DPH6: variants seen among roughly 807,000 people sequenced by gnomAD.
The protein encoded by DPH6 is diphthamine biosynthesis 6.
In DPH6, 33 loss-of-function variants were observed where a neutral mutation model predicts 38.2. The ratio of observed to expected loss-of-function variants is 0.86; its 90% CI spans 0.65 to 1.15. The LOEUF is 1.15. Ranked by LOEUF, DPH6 falls within the 50% of genes most tolerant of loss-of-function variation. The probability of loss-of-function intolerance (pLI) is 0.00; values close to 1 mark genes in which losing one functional copy is unlikely to be tolerated. For missense variants in DPH6, 325 were observed against 320.0 expected (o/e 1.02, Z -0.12); for synonymous variants, 108 against 103.0 (o/e 1.05, Z -0.30).
At chr15:35,395,491 C>T (rs1332111004) in intron 6 of DPH6, among the ~76,000 whole-genome samples, 3 of 152,194 alleles carry the variant, frequency 2.0e-5, no homozygotes, top group Non-Finnish European at 2.9e-5. Flanking sequence ...TACATTCCCA[C>T]ATAACGTATT....
chr15:35,193,295 C>G, the DPH6 span, among the ~76,000 whole-genome samples: 1 of 151,444 alleles, frequency 6.6e-6, no homozygotes, highest in Non-Finnish European at 1.5e-5. Context: ...ATTTGATTGT[C>G]AACTTTACAA....
Position 35,243,455 on chromosome 15 carries a change from G to A in DPH6, n.201-22873C>T, listed in dbSNP as rs1205715613. Among the ~76,000 whole-genome samples, 3 of 142,840 alleles carry A rather than the reference G, an allele frequency of 2.1e-5. 1 individual carries two copies. The highest frequency in any genetic ancestry group is 3.1e-5 in the Non-Finnish European group (2 of 65,190). 93.7% of individuals were successfully genotyped at this position (142,840 alleles called of 152,430 possible). On this transcript the variant is annotated intron_variant and non_coding_transcript_variant, in intron 3 of 3. Transcript: ENST00000560386. ...CCATTGCATCCCCTGTGACTTGCACGTATATGCCCAGATGGCCTGAAGTAA... is the reference window on the plus strand; with the variant it reads ...CCATTGCATCCCCTGTGACTTGCACATATATGCCCAGATGGCCTGAAGTAA...
chr15:35,170,150 C>T, the DPH6 span, among the ~76,000 whole-genome samples: 1 of 152,124 alleles, frequency 6.6e-6, no homozygotes, highest in Non-Finnish European at 1.5e-5. Flanking sequence ...TGAAGTTGGT[C>T]AAATAAAAAC....
At chr15:35,174,418 T>C in the DPH6 span, among the ~76,000 whole-genome samples, 1 of 152,196 alleles carries the variant, frequency 6.6e-6, no homozygotes, top group Non-Finnish European at 1.5e-5. Context: ...TTTTAATTTC[T>C]AGGCCAATCT....
chr15:35,277,264 C>T (rs1260575830), intron 3 of DPH6, among the ~76,000 whole-genome samples: 1 of 152,108 alleles, frequency 6.6e-6, no homozygotes, highest in Non-Finnish European at 1.5e-5. Flanking sequence ...GAATTGTGTA[C>T]ATTAATTTTG....
At chr15:35,433,707 T>C (rs2141038347) in intron 5 of DPH6, among the ~76,000 whole-genome samples, 1 of 152,288 alleles carries the variant, frequency 6.6e-6, no homozygotes, top group African/African-American at 2.4e-5. Context: ...ACTAGATCAG[T>C]AGTTCTCTTC....
intron 5 of DPH6, among the ~76,000 whole-genome samples, chr15:35,433,205 T>C (rs1358647156): frequency 6.6e-6 from 1 of 152,198 alleles, no homozygotes; most frequent in African/African-American, 2.4e-5. Context: ...AGTAATAATA[T>C]GGGTTCAAAC....
At chr15:35,360,246 T>C (rs1020986074) in intron 3 of DPH6, among the ~76,000 whole-genome samples, 2 of 152,114 alleles carry the variant, frequency 1.3e-5, no homozygotes, top group Non-Finnish European at 2.9e-5. Context: ...CTGTCTCACA[T>C]GGATGCTGCT....
chr15:35,386,496 T>C (rs1251270837), intron 6 of DPH6, among the ~76,000 whole-genome samples: 1 of 152,192 alleles, frequency 6.6e-6, no homozygotes, highest in East Asian at 1.9e-4. Context: ...CCACATCCTC[T>C]CCAGCACCTG....
At chr15:35,415,241 C>T (rs780409323) in intron 5 of DPH6, among the ~76,000 whole-genome samples, 3 of 151,772 alleles carry the variant, frequency 2.0e-5, no homozygotes, top group African/African-American at 4.8e-5. Flanking sequence ...TTTAGCCTTC[C>T]CTCTAACTGT....
At chr15:35,463,824 G>T (rs531665353) in intron 3 of DPH6, among the ~76,000 whole-genome samples, 118 of 152,152 alleles carry the variant, frequency 7.8e-4, no homozygotes, top group African/African-American at 2.7e-3. Flanking sequence ...TATCCCATGT[G>T]CTGGTAAGCT....
At chr15:35,470,945 C>T (rs2054190881) in intron 3 of DPH6, among the ~76,000 whole-genome samples, 2 of 151,918 alleles carry the variant, frequency 1.3e-5, no homozygotes, top group Non-Finnish European at 2.9e-5. Flanking sequence ...CACAAGAATA[C>T]ATAACTTAAA....
chr15:35,429,194 T>C lies in DPH6; in HGVS notation c.506-18298A>G, dbSNP rs527645030. 1.4e-3 allele frequency among the ~76,000 whole-genome samples: 214 copies of C among 152,264 alleles called. 1 individual carries two copies. The highest frequency in any genetic ancestry group is 5.0e-3 in the African/African-American group (208 of 41,586). ...AACCCCTTAGATCTCCTTAGCTGCT[T>C]TGGCAGCCACAATGTACCACAGACA... On this transcript the variant is annotated intron_variant, in intron 5 of 8. Transcript: ENST00000256538.
intron 1 of DPH6, among the ~76,000 whole-genome samples, chr15:35,545,157 T>C (rs188210374): frequency 6.6e-6 from 1 of 152,346 alleles, no homozygotes; most frequent in African/African-American, 2.4e-5. Context: ...AATCTTCAAT[T>C]GGATTACAAA....
At chr15:35,286,752 T>C (rs1487894990) in intron 3 of DPH6, among the ~76,000 whole-genome samples, 1 of 152,220 alleles carries the variant, frequency 6.6e-6, no homozygotes, top group East Asian at 1.9e-4. Flanking sequence ...TGGTGAGATG[T>C]ATACTTATTT....
Position 35,542,417 on chromosome 15 carries a change from GT to G in DPH6, c.113del (p.Asn38ThrfsTer37). ...CCAATAAAGGCATGTACTTACCTTG[GT>G]TTTCAGCTGGTCTTAGATTTGCTAA... ...VALANLRPAENQVGSDELDSY... is the reference protein window; with the variant it reads ...VALANLRPAEXQVGSDELDSY... On this transcript the variant is annotated frameshift_variant, in exon 2 of 9. Transcript: ENST00000256538. LOFTEE classifies it high-confidence loss of function. 1 of 1,564,758 alleles carries G rather than the reference GT, an allele frequency of 6.4e-7. No individual in the cohort carries two copies. Among genetic ancestry groups the G allele is most frequent in the Non-Finnish European group, 8.8e-7 (1 of 1,142,580 alleles).
At chr15:35,252,635 T>C (rs1358915308) in intron 3 of DPH6, among the ~76,000 whole-genome samples, 1 of 152,260 alleles carries the variant, frequency 6.6e-6, no homozygotes, top group Non-Finnish European at 1.5e-5. Flanking sequence ...AATGCTTGTG[T>C]GCCTCCTTCT....
At chr15:35,328,515 T>C (rs1214516190), downstream of DPH6, among the ~76,000 whole-genome samples, 1 of 152,136 alleles carries the variant, frequency 6.6e-6, no homozygotes, top group Non-Finnish European at 1.5e-5. Flanking sequence ...TTAAAAGTAT[T>C]GCTAAATAAT....
In DPH6 at chr15:35,359,372, C is replaced by T. The variant is rs563668156; in HGVS notation, n.207+14149G>A. ...CTGTGGAGTCTGCACACCAGATTCG[C>T]GCCCTTCCCCAAGTTCTGGACAGAA... On this transcript the variant is annotated intron_variant and non_coding_transcript_variant, in intron 3 of 3. Transcript: ENST00000558973. Among the ~76,000 whole-genome samples, 12 of 152,316 alleles carry T rather than the reference C, an allele frequency of 7.9e-5. No individual in the cohort carries two copies. The South Asian group carries it at 1.0e-3, about 13-fold the overall frequency.
Sources: allele counts gnomAD v4.1 joint callset (sites outside exome capture counted in the v4.1 genomes callset), GRCh38; gene constraint gnomAD v4.1.1; transcripts MANE v1.5; gene names NCBI Gene and HGNC (gene_info 2026-07-23, HGNC 2026-07-21).